Variants in NPAS3 observed in about 807,000 individuals in gnomAD.
NPAS3 encodes neuronal PAS domain-containing protein 3.
NPAS3 carries 14 observed loss-of-function variants against 73.1 expected under a neutral mutation model. That is an observed-to-expected ratio of 0.19 (90% CI 0.13 to 0.30). NPAS3 has a LOEUF of 0.30. Ranked by LOEUF, NPAS3 falls within the 10% of genes least tolerant of loss-of-function variation. The pLI is 1.00. For synonymous variants in NPAS3, 620 were observed against 541.5 expected, an observed-to-expected ratio of 1.14 and a Z score of -2.01; for missense variants, 1,096 against 1,250.0, an observed-to-expected ratio of 0.88 and a Z score of 1.86.
chr14:33,010,542 C>T (rs952319980), intron 1 of NPAS3, among the ~76,000 whole-genome samples: 1 of 152,024 alleles, frequency 6.6e-6, no homozygotes, highest in Non-Finnish European at 1.5e-5. Flanking sequence ...ACAATTTTAC[C>T]ATAGGCTAAT....
intron 4 of NPAS3, among the ~76,000 whole-genome samples, chr14:33,432,855 C>A (rs553519988): frequency 6.6e-6 from 1 of 152,228 alleles, no homozygotes; most frequent in East Asian, 1.9e-4. Context: ...ATGAGATAAT[C>A]GTACTAAATG....
At chr14:33,383,280 G>C (rs1193871701) in intron 4 of NPAS3, among the ~76,000 whole-genome samples, 2 of 152,082 alleles carry the variant, frequency 1.3e-5, no homozygotes, top group African/African-American at 2.4e-5. Context: ...GTCTTAGTAG[G>C]TGCTCAGTGC....
chr14:33,629,580 T>G (rs561567164), intron 5 of NPAS3, among the ~76,000 whole-genome samples: 22 of 152,090 alleles, frequency 1.4e-4, no homozygotes, highest in African/African-American at 3.6e-4. Context: ...TTTTGTTTTT[T>G]TTTTTAACAC....
chr14:33,676,299 C>T (rs781057762), exon 6 of NPAS3: 39 of 1,613,156 alleles, frequency 2.4e-5, no homozygotes, highest in East Asian at 6.7e-5. Context: ...AAGCTCCCCC[C>T]TGGGCGGGGT....
chr14:33,220,349 G>T (rs2047378430), intron 3 of NPAS3, among the ~76,000 whole-genome samples: 1 of 152,130 alleles, frequency 6.6e-6, no homozygotes, highest in African/African-American at 2.4e-5. Flanking sequence ...GTTCGTTGTT[G>T]TTTATTTTGG....
intron 6 of NPAS3, chr14:33,681,186 A>G (rs1409516976): frequency 6.6e-6 from 1 of 152,320 alleles, no homozygotes; most frequent in Non-Finnish European, 1.5e-5. Flanking sequence ...AAGAACGTAA[A>G]AATTTATCTG....
At chr14:33,258,925 T>C (rs2048873488) in intron 3 of NPAS3, among the ~76,000 whole-genome samples, 1 of 152,196 alleles carries the variant, frequency 6.6e-6, no homozygotes, top group South Asian at 2.1e-4. Flanking sequence ...GCCATCCTCC[T>C]GCCTCAGCCT....
chr14:32,978,615 G>T (rs1461440577), intron 1 of NPAS3, among the ~76,000 whole-genome samples: 2 of 152,058 alleles, frequency 1.3e-5, no homozygotes, highest in Admixed American at 1.3e-4. Flanking sequence ...CACTTGTGGG[G>T]CTCACTAGGT....
chr14:33,240,360 C>G (rs901955214), intron 3 of NPAS3, among the ~76,000 whole-genome samples: 3 of 151,516 alleles, frequency 2.0e-5, no homozygotes, highest in African/African-American at 7.3e-5. Context: ...GGTCCCTACT[C>G]TTATTTTTCT....
chr14:33,645,049 CCAGCCTGGG>C (rs1215590869), intron 5 of NPAS3, among the ~76,000 whole-genome samples: 1 of 150,454 alleles, frequency 6.6e-6, no homozygotes. Flanking sequence ...CCACCACACT[CCAGCCTGGG>C]CAACAAGAGT....
At chr14:33,261,594 T>G (rs2048979620) in intron 3 of NPAS3, among the ~76,000 whole-genome samples, 1 of 152,202 alleles carries the variant, frequency 6.6e-6, no homozygotes, top group African/African-American at 2.4e-5. Flanking sequence ...CTCAGTTTAA[T>G]ATTAAGGGGT....
intron 1 of NPAS3, among the ~76,000 whole-genome samples, chr14:32,967,769 TGTG>T (rs1377470763): frequency 9.0e-6 from 1 of 110,910 alleles, no homozygotes; most frequent in African/African-American, 3.0e-5. Flanking sequence ...GACAACAGCA[TGTG>T]GGGGGGGGTC....
intron 1 of NPAS3, among the ~76,000 whole-genome samples, chr14:33,025,872 T>C (rs2039784130): frequency 6.6e-6 from 1 of 152,196 alleles, no homozygotes; most frequent in African/African-American, 2.4e-5. Context: ...TAAACTCCTT[T>C]TCTTTATAAA....
intron 4 of NPAS3, among the ~76,000 whole-genome samples, chr14:33,541,727 G>A (rs1177823379): frequency 6.6e-6 from 1 of 152,198 alleles, no homozygotes. Flanking sequence ...AACACCAGGA[G>A]TTTTTCTCTT....
At chr14:33,761,657 T>C (rs2062294886) in intron 7 of NPAS3, among the ~76,000 whole-genome samples, 1 of 152,142 alleles carries the variant, frequency 6.6e-6, no homozygotes, top group African/African-American at 2.4e-5. Context: ...GAAATGTGGA[T>C]GGAGAAAGAT....
intron 5 of NPAS3, among the ~76,000 whole-genome samples, chr14:33,639,753 C>A (rs1005426227): frequency 1.5e-4 from 23 of 152,150 alleles, no homozygotes; most frequent in Non-Finnish European, 2.5e-4. Flanking sequence ...ACATGATTAA[C>A]CAAAAACAAC....
chr14:33,692,224 G>A (rs1002731109), intron 6 of NPAS3, among the ~76,000 whole-genome samples: 6 of 152,156 alleles, frequency 3.9e-5, no homozygotes, highest in Non-Finnish European at 7.4e-5. Context: ...AGAACAGACT[G>A]AAGTGAGGTG....
At chr14:33,216,224 T>C (rs1393808671) in intron 3 of NPAS3, among the ~76,000 whole-genome samples, 1 of 152,186 alleles carries the variant, frequency 6.6e-6, no homozygotes, top group African/African-American at 2.4e-5. Context: ...AAATCGTGTA[T>C]CTAGACACTT....
chr14:33,667,098 C>G (rs1265731584), intron 5 of NPAS3, among the ~76,000 whole-genome samples: 3 of 152,176 alleles, frequency 2.0e-5, no homozygotes. Flanking sequence ...TTTTAACATG[C>G]AATCAGTATA....
Sources: allele counts gnomAD v4.1 joint callset (sites outside exome capture counted in the v4.1 genomes callset), GRCh38; gene constraint gnomAD v4.1.1; transcripts MANE v1.5; gene names NCBI Gene and HGNC (gene_info 2026-07-23, HGNC 2026-07-21).